The following POLE variants were observed in gnomAD, a reference collection of about 807,000 sequenced individuals.
The protein encoded by POLE is DNA polymerase epsilon catalytic subunit A.
Under a neutral mutation model 279.2 loss-of-function variants are expected in POLE, and 188 were observed. That is an observed-to-expected ratio of 0.67 (90% CI 0.60 to 0.76). POLE has a LOEUF of 0.76. POLE is among the 30% of genes least tolerant of loss of function. The probability of loss-of-function intolerance (pLI) is 0.00; values close to 1 mark genes in which losing one functional copy is unlikely to be tolerated. For missense variants in POLE, 2,703 were observed against 3,016.7 expected (o/e 0.90, Z 2.44); for synonymous variants, 1,214 against 1,172.5 (o/e 1.04, Z -0.72).
intron 39 of POLE, among the ~76,000 whole-genome samples, chr12:132,640,471 TGTA>T (rs1205390466): frequency 6.6e-6 from 1 of 152,262 alleles, no homozygotes; most frequent in Non-Finnish European, 1.5e-5. Context: ...CGTGTGCCAG[TGTA>T]AACAAGTTTC....
chr12:132,687,080 C>G (rs1342267021), intron 1 of POLE, among the ~76,000 whole-genome samples, 174 bp downstream of exon 1: 1 of 151,738 alleles, frequency 6.6e-6, no homozygotes, highest in Non-Finnish European at 1.5e-5. Context: ...CCTCCGCCCG[C>G]CCCGAGCCCC....
intron 16 of POLE, 72 bp from the exon 17 acceptor site, chr12:132,669,011 T>C (rs1593793635): frequency 1.3e-6 from 2 of 1,490,792 alleles, no homozygotes; most frequent in East Asian, 2.3e-5. Flanking sequence ...CAACCCCTTT[T>C]AGACATTCAG....
In POLE at chr12:132,636,924, A is replaced by G. The variant is rs5744982; in HGVS notation, c.5679-900T>C. Among the ~76,000 whole-genome samples the G allele has an allele frequency of 3.5e-3, 535 of 152,362 alleles. 1 individual carries two copies. Among genetic ancestry groups the G allele is most frequent in the Middle Eastern group, 0.01 (3 of 294 alleles). On this transcript the variant is annotated intron_variant, in intron 41 of 48. Transcript: ENST00000320574. ...ACTCTGCTCTTCGCGCTAAGGAAGA[A>G]TAGCAGCCTGTTTCTCGACATGAGC...
chr12:132,663,826 G>C (rs2042729647), intron 23 of POLE, among the ~76,000 whole-genome samples, 178 bp downstream of exon 23: 1 of 152,146 alleles, frequency 6.6e-6, no homozygotes, highest in Non-Finnish European at 1.5e-5. Context: ...TATGCTGAAA[G>C]AGAAAGGAGT....
chr12:132,674,857 T>C (rs1593075573), intron 12 of POLE, among the ~76,000 whole-genome samples: 2 of 133,254 alleles, frequency 1.5e-5, no homozygotes, highest in Middle Eastern at 3.5e-3. Flanking sequence ...CTCCCTCCCT[T>C]CCCTTCCTTC....
intron 1 of POLE, among the ~76,000 whole-genome samples, chr12:132,682,298 A>AT (rs202203409): frequency 0.077 from 7,576 of 97,806 alleles, 315 homozygotes; most frequent in Admixed American, 0.16. Flanking sequence ...CGGCAAAAAA[A>AT]AAAAAATAAA....
rs375208564 is a variant in POLE, at chr12:132,649,801, G to A, written c.3671C>T (p.Ala1224Val). Residue 1224 changes from alanine to valine, a missense_variant, in exon 30 of 49, where the codon GCA becomes GTA. Ala to Val is a moderately conservative substitution (Grantham distance 64, BLOSUM62 0). Transcript: ENST00000320574. Reference sequence around the variant, plus strand: ...CTTCCTCTTCACAGTGACAGGGGCTGCTGGGTGAGGCAGCTTTACGAGGCC... The same window carrying A: ...CTTCCTCTTCACAGTGACAGGGGCTACTGGGTGAGGCAGCTTTACGAGGCC... ...DFGLVKLPHPAAPVTVKRKRV... is the reference protein window; with the variant it reads ...DFGLVKLPHPVAPVTVKRKRV... 283 of 1,614,096 alleles carry A rather than the reference G, an allele frequency of 1.8e-4. No individual in the cohort carries two copies. Among genetic ancestry groups the A allele is most frequent in the Non-Finnish European group, 2.3e-4 (272 of 1,180,056 alleles).
intron 29 of POLE, among the ~76,000 whole-genome samples, chr12:132,655,876 T>C (rs1009563699): frequency 6.6e-6 from 1 of 152,152 alleles, no homozygotes; most frequent in African/African-American, 2.4e-5. Context: ...ATTGTTATAC[T>C]GGCCCATAAG....
At chr12:132,667,371 C>T (rs1232340627) in intron 20 of POLE, 132 bp downstream of exon 20, 1 of 951,454 alleles carries the variant, frequency 1.1e-6, no homozygotes, top group African/African-American at 1.6e-5. Flanking sequence ...AAGTCAAAAA[C>T]AATTGCACGT....
chr12:132,657,315 G>A, intron 28 of POLE, 34 bp downstream of exon 28: 1 of 1,613,998 alleles, frequency 6.2e-7, no homozygotes. Flanking sequence ...ACAGTTTTTA[G>A]CCCCACAGCC....
intron 45 of POLE, among the ~76,000 whole-genome samples, chr12:132,627,413 C>T (rs1464459078): frequency 6.6e-6 from 1 of 152,150 alleles, no homozygotes; most frequent in African/African-American, 2.4e-5. Flanking sequence ...GATCCTTCTA[C>T]CTCAGCCTTC....
rs201950040 is a variant in POLE at position 132,642,719 on chromosome 12, C to T, written c.4739G>A (p.Arg1580Gln). 6.9e-5 allele frequency: 111 copies of T among 1,613,426 alleles called. No individual in the cohort carries two copies. Among genetic ancestry groups the T allele is most frequent in the South Asian group, 8.8e-5 (8 of 91,072 alleles). ...CTGAACAGCGATGAGTGTGGGCCCC[C>T]GGCGCTCCTCCTGGGTCAAGGCAAA... ...RFLLAYKEER[R>Q]GPTLIAVQSS... Residue 1580 changes from arginine (R) to glutamine (Q), a missense_variant, in exon 37 of 49, where the codon CGG (arginine) becomes CAG (glutamine). Arg to Gln is a conservative substitution (Grantham distance 43, BLOSUM62 1). Transcript: ENST00000320574.
Position 132,643,234 on chromosome 12 carries a change from A to G in POLE, c.4541T>C (p.Val1514Ala), listed in dbSNP as rs116742454. ...GGGCCCAGGACTCACAGTGTCCAGC[A>G]CAAAGACGGATGCCCTGCGCTGTGA... Reference protein sequence around the residue: ...IPSQRRASVFVLDTVRSNQMP... With the variant: ...IPSQRRASVFALDTVRSNQMP... Residue 1514 changes from valine (V) to alanine (A), a missense_variant, in exon 35 of 49, where the codon GTG becomes GCG. By Grantham distance (64) the Val-to-Ala change is moderately conservative. Around this residue, in one of 5 missense-constraint regions of POLE, gnomAD observed 1,551 missense variants for 1,686.1 expected, o/e 0.92. Transcript: ENST00000320574. 72 of 1,613,570 alleles carry G rather than the reference A, an allele frequency of 4.5e-5. No homozygotes were observed. The East Asian group carries it at 1.6e-3, about 35-fold the overall frequency.
In POLE at chr12:132,634,195, T is replaced by A; in HGVS notation, c.5995A>T (p.Ile1999Phe). ...TGGGCTCTGGGCTTACCTGAAACAA[T>A]CATGAGGAAGTAGTTCTGGCAGGAG... ...AASCQNYFLM[I>F]VSAYIVAVYH... The change falls in exon 43 of 49, where the codon ATT becomes TTT. Residue 1999 changes from isoleucine to phenylalanine, a missense_variant. Ile to Phe is a conservative substitution (Grantham distance 21). Around this residue, in one of 5 missense-constraint regions of POLE, gnomAD observed 1,551 missense variants for 1,686.1 expected, o/e 0.92. Coordinates refer to ENST00000320574, the MANE Select transcript of POLE (RefSeq NM_006231.4). The surrounding 1 kb of genome is among the most constrained non-coding windows in gnomAD (Gnocchi z 4.0). 1.9e-6 allele frequency: 3 copies of A among 1,612,014 alleles called. No homozygotes were observed. The highest frequency in any genetic ancestry group is 2.5e-6 in the Non-Finnish European group (3 of 1,178,794).
intron 40 of POLE, chr12:132,638,685 C>T (rs1019956153): frequency 5.5e-5 from 10 of 180,684 alleles, no homozygotes; most frequent in South Asian, 4.9e-4. Context: ...AAGAGGGCTA[C>T]GCCCCAGCAA....
intron 45 of POLE, among the ~76,000 whole-genome samples, chr12:132,629,714 C>T (rs2041899672): frequency 6.6e-6 from 1 of 152,206 alleles, no homozygotes; most frequent in African/African-American, 2.4e-5. Context: ...TCCATATCAG[C>T]AACAGGATGC....
rs551298753 is a variant in POLE, at chr12:132,634,664, C to G, written c.5812-286G>C. On this transcript the variant is annotated intron_variant, in intron 42 of 48. Transcript: ENST00000320574. The surrounding 1 kb of genome is among the most constrained non-coding windows in gnomAD (Gnocchi z 4.0). ...ACTTTAATTGTTGAACTCCCACCCC[C>G]CAAGGACGAAAGAACCAGCCAGAGC... 3.9e-4 allele frequency among the ~76,000 whole-genome samples: 59 copies of G among 152,298 alleles called. No homozygotes were observed. Among genetic ancestry groups the G allele is most frequent in the African/African-American group, 9.1e-4 (38 of 41,558 alleles).
rs2043039800 is a variant in POLE at position 132,675,910 on chromosome 12, T to A, written c.1021-90A>T. 3 of 1,149,528 alleles carry A rather than the reference T, an allele frequency of 2.6e-6. No individual in the cohort carries two copies. The highest frequency in any genetic ancestry group is 2.5e-5 in the South Asian group (2 of 80,230). 71.2% of individuals were successfully genotyped at this position (1,149,528 alleles called of 1,614,324 possible). A position where few individuals can be genotyped will look rare whatever the true frequency, so the allele number is the denominator to read the frequency against. ...CTCCCAAAGTTCAGAAGCAGCAGCC[T>A]CATGTTGGCCCTTATTCCTGCCCCG... On this transcript the variant is annotated intron_variant, in intron 10 of 48. Coordinates refer to ENST00000320574, the MANE Select transcript of POLE (RefSeq NM_006231.4). This position sits in a 1 kb window ranked among gnomAD's most constrained non-coding sequence, Gnocchi z 4.3.
In POLE at chr12:132,642,882, G is replaced by A. The variant is rs768741587; in HGVS notation, c.4666C>T (p.Arg1556Trp). 5.0e-6 allele frequency: 8 copies of A among 1,613,722 alleles called. No homozygotes were observed. Among genetic ancestry groups the A allele is most frequent in the South Asian group, 4.4e-5 (4 of 91,050 alleles). ...LPPPKHTFEV[R>W]AETDLKTICR... ...ATGGTCTTCAGGTCAGTTTCTGCCCGAACTTCGAAGGTGTGTTTGGGGGGT... is the reference window on the plus strand; with the variant it reads ...ATGGTCTTCAGGTCAGTTTCTGCCCAAACTTCGAAGGTGTGTTTGGGGGGT... The change falls in exon 36 of 49, where the codon CGG becomes TGG. Residue 1556 changes from arginine (R) to tryptophan (W), a missense_variant. This residue lies in a region of POLE where 1,551 missense variants were observed against 1,686.1 expected (regional missense o/e 0.92). Coordinates refer to ENST00000320574, the MANE Select transcript of POLE (RefSeq NM_006231.4).
Sources: allele counts gnomAD v4.1 joint callset (sites outside exome capture counted in the v4.1 genomes callset), GRCh38; gene constraint gnomAD v4.1.1; regional missense constraint gnomAD v4.1.1; non-coding constraint Gnocchi (gnomAD v3.1); transcripts MANE v1.5; gene names NCBI Gene and HGNC (gene_info 2026-07-23, HGNC 2026-07-21).